TLR7: variants seen among roughly 807,000 people sequenced by gnomAD.
TLR7 encodes toll-like receptor 7.
Under a neutral mutation model 38.3 loss-of-function variants are expected in TLR7, and 12 were observed. The observed-to-expected ratio is 0.31, with a 90% CI of 0.20 to 0.51. TLR7 has a LOEUF of 0.51. Among genes scored for constraint, TLR7 ranks in the 20% least tolerant of loss-of-function variants. TLR7 has a pLI of 0.98. For missense variants in TLR7, 504 were observed against 743.4 expected (o/e 0.68, Z 3.74); for synonymous variants, 285 against 293.8 (o/e 0.97, Z 0.31).
chrX:12,869,774 AAAG>A (rs2042846026), intron 2 of TLR7, among the ~76,000 whole-genome samples: 1 of 107,902 alleles, frequency 9.3e-6, no homozygotes, highest in African/African-American at 3.4e-5. Flanking sequence ...TAAAAAAACA[AAAG>A]AAGTGATCGT....
In TLR7 at chrX:12,888,277, T is replaced by C; in HGVS notation, c.2769T>C (p.His923=). The C allele has an allele frequency of 8.3e-7, 1 of 1,211,371 alleles. No homozygotes were observed. The highest frequency in any genetic ancestry group is 1.1e-6 in the Non-Finnish European group (1 of 895,456). Residue 923 remains histidine (H), a synonymous_variant, in exon 3 of 3, where the codon CAT becomes CAC. Coordinates refer to ENST00000380659, the MANE Select transcript of TLR7 (RefSeq NM_016562.4). ...VAKLEDPREK[H]FNLCLEERDW... Reference sequence around the variant, plus strand: ...AACTGGAAGACCCAAGAGAGAAACATTTTAATTTATGTCTCGAGGAAAGGG... The same window carrying C: ...AACTGGAAGACCCAAGAGAGAAACACTTTAATTTATGTCTCGAGGAAAGGG...
At chrX:12,883,158 T>A (rs1406456314) in intron 2 of TLR7, among the ~76,000 whole-genome samples, 1 of 111,860 alleles carries the variant, frequency 8.9e-6, no homozygotes, top group Non-Finnish European at 1.9e-5. Flanking sequence ...TTGACTCAAC[T>A]CCTCCTCCCT....
At chrX:12,869,491 A>G (rs2042844873) in intron 2 of TLR7, among the ~76,000 whole-genome samples, 2 of 111,425 alleles carry the variant, frequency 1.8e-5, no homozygotes, top group Non-Finnish European at 3.8e-5. Flanking sequence ...ACAGGAACAA[A>G]AAACCAAACA....
In TLR7 at chrX:12,886,379, G is replaced by A. The variant is rs747349276; in HGVS notation, c.871G>A (p.Glu291Lys). Residue 291 changes from glutamate (E) to lysine (K), a missense_variant, in exon 3 of 3, where the codon GAA becomes AAA. By Grantham distance (56) the Glu-to-Lys change is moderately conservative. Coordinates refer to ENST00000380659, the MANE Select transcript of TLR7 (RefSeq NM_016562.4). ...TGTAAATGCTTTTGATGCGCTGACA[G>A]AATTAAAAGTTTTACGTCTACACAG... ...IPVNAFDALT[E>K]LKVLRLHSNS... 8.3e-7 allele frequency: 1 copy of A among 1,211,839 alleles called. No individual in the cohort carries two copies. The highest frequency in any genetic ancestry group is 1.1e-6 in the Non-Finnish European group (1 of 895,524).
intron 2 of TLR7, among the ~76,000 whole-genome samples, chrX:12,875,087 A>G (rs1357739351): frequency 1.8e-5 from 2 of 111,578 alleles, no homozygotes; most frequent in African/African-American, 3.3e-5. Flanking sequence ...CCATCAAAAT[A>G]GTGCATCCAG....
chrX:12,868,016 G>C (rs770639708), intron 2 of TLR7, among the ~76,000 whole-genome samples: 30 of 112,342 alleles, frequency 2.7e-4, no homozygotes, highest in Non-Finnish European at 5.3e-4. Flanking sequence ...AAATCCCCGG[G>C]CTTGAGTGCT....
chrX:12,869,364 T>C (rs2042844334), intron 2 of TLR7, among the ~76,000 whole-genome samples: 2 of 111,091 alleles, frequency 1.8e-5, no homozygotes, highest in Admixed American at 1.9e-4. Flanking sequence ...TGAGACTGGA[T>C]AAAAAAATGT....
At chrX:12,868,420 C>A (rs974574086) in intron 2 of TLR7, among the ~76,000 whole-genome samples, 1 of 111,591 alleles carries the variant, frequency 9.0e-6, no homozygotes, top group Non-Finnish European at 1.9e-5. Context: ...AAGCCAAAGG[C>A]CGAAGCCTAG....
intron 2 of TLR7, among the ~76,000 whole-genome samples, chrX:12,879,786 ATAAT>A (rs1753776586): frequency 8.9e-6 from 1 of 112,016 alleles, no homozygotes; most frequent in Non-Finnish European, 1.9e-5. Context: ...TCTGGGAGAT[ATAAT>A]TATTTTTCAC....
At chrX:12,868,295 G>C (rs765744807) in intron 2 of TLR7, among the ~76,000 whole-genome samples, 1 of 112,020 alleles carries the variant, frequency 8.9e-6, no homozygotes, top group Non-Finnish European at 1.9e-5. Flanking sequence ...TGGATGGTGG[G>C]AGATGAGGAA....
chrX:12,877,548 G>T (rs1458084535), intron 2 of TLR7: 1 of 110,291 alleles, frequency 9.1e-6, no homozygotes, highest in African/African-American at 3.3e-5. Context: ...TGTTTTGTTT[G>T]GCATAAAGCA....
At chrX:12,876,940 C>T (rs2042873171) in intron 2 of TLR7, among the ~76,000 whole-genome samples, 1 of 107,669 alleles carries the variant, frequency 9.3e-6, no homozygotes, top group African/African-American at 3.5e-5. Flanking sequence ...AAAAAAAAAC[C>T]GAAGCAAAAC....
chrX:12,869,433 T>G (rs1443111656), intron 2 of TLR7, among the ~76,000 whole-genome samples: 6 of 111,262 alleles, frequency 5.4e-5, no homozygotes, highest in Non-Finnish European at 7.5e-5. Flanking sequence ...TCATGTCCTT[T>G]GCAGGGACAT....
At position 12,887,623 on chromosome X, in the gene TLR7, C is replaced by T; in HGVS notation, c.2115C>T (p.Asp705=). The change falls in exon 3 of 3, where the codon GAC becomes GAT. Residue 705 remains aspartate (D), a synonymous_variant. Coordinates refer to ENST00000380659, the MANE Select transcript of TLR7 (RefSeq NM_016562.4). ...GTCTAAAGAACCTGGAAACTTTGGA[C>T]CTCAGCCACAACCAACTGACCACTG... is the stretch of plus-strand genomic sequence containing the variant. The part of the protein sequence containing the change: ...LQCLKNLETL[D]LSHNQLTTVP... 2 of 1,210,195 alleles carry T rather than the reference C, an allele frequency of 1.7e-6. No homozygotes were observed. Among genetic ancestry groups the T allele is most frequent in the Non-Finnish European group, 2.2e-6 (2 of 894,767 alleles).
At chrX:12,871,761 C>A (rs2042853743) in intron 2 of TLR7, among the ~76,000 whole-genome samples, 1 of 111,273 alleles carries the variant, frequency 9.0e-6, no homozygotes, top group Non-Finnish European at 1.9e-5. Flanking sequence ...CCAGGGGGTG[C>A]CCAGGGGCCT....
At position 12,887,923 on chromosome X, in the gene TLR7, T is replaced by G; in HGVS notation, c.2415T>G (p.Ile805Met). ...VWWVNHTEVT[I>M]PYLATDVTCV... ...GGGTTAACCATACGGAGGTGACTAT[T>G]CCTTACCTGGCCACAGATGTGACTT... Residue 805 changes from isoleucine (I) to methionine (M), a missense_variant, in exon 3 of 3, where the codon ATT becomes ATG. Transcript: ENST00000380659. 8.3e-7 allele frequency: 1 copy of G among 1,211,791 alleles called. No homozygotes were observed. The highest frequency in any genetic ancestry group is 1.1e-6 in the Non-Finnish European group (1 of 895,547).
chrX:12,883,536 G>T (rs2042899631), intron 2 of TLR7, among the ~76,000 whole-genome samples: 1 of 111,879 alleles, frequency 8.9e-6, no homozygotes, highest in South Asian at 3.7e-4. Flanking sequence ...AAATAAGAAG[G>T]TTGGGTGCAG....
Position 12,886,063 on chromosome X carries a change from T to C in TLR7, c.555T>C (p.Tyr185=), listed in dbSNP as rs2042909849. ...TCTACCTGGGCCAAAACTGTTATTA[T>C]CGAAATCCTTGTTATGTTTCATATT... is the stretch of plus-strand genomic sequence containing the variant. ...EILYLGQNCY[Y]RNPCYVSYSI... Residue 185 remains tyrosine, a synonymous_variant, in exon 3 of 3, where the codon TAT becomes TAC. Coordinates refer to ENST00000380659, the MANE Select transcript of TLR7 (RefSeq NM_016562.4). 8.3e-7 allele frequency: 1 copy of C among 1,211,256 alleles called. No homozygotes were observed. The highest frequency in any genetic ancestry group is 1.7e-5 in the African/African-American group (1 of 57,847).
At chrX:12,870,108 CAT>C (rs771318680) in intron 2 of TLR7, among the ~76,000 whole-genome samples, 3 of 110,965 alleles carry the variant, frequency 2.7e-5, no homozygotes, top group South Asian at 3.8e-4. Context: ...TACATAAACA[CAT>C]GTGTTGCATA....
Sources: gnomAD v4.1 joint callset for allele counts (sites outside exome capture counted in the v4.1 genomes callset) on GRCh38, gnomAD v4.1.1 for gene constraint, MANE v1.5 for transcripts, NCBI Gene and HGNC (gene_info 2026-07-23, HGNC 2026-07-21) for gene names.